Variants in TRPM8 observed in about 807,000 individuals in gnomAD.
TRPM8 encodes the protein TRPM8 cationic channel.
Under a neutral mutation model 133.7 loss-of-function variants are expected in TRPM8, and 110 were observed. That is an observed-to-expected ratio of 0.82 (90% CI 0.70 to 0.96). TRPM8 has a LOEUF of 0.96. Among genes scored for constraint, TRPM8 ranks in the 40% least tolerant of loss-of-function variants. The pLI is 0.00. For synonymous variants in TRPM8, 535 were observed against 532.3 expected, an observed-to-expected ratio of 1.01 and a Z score of -0.07; for missense variants, 1,291 against 1,379.5, an observed-to-expected ratio of 0.94 and a Z score of 1.02.
intron 3 of TRPM8, among the ~76,000 whole-genome samples, chr2:233,931,568 G>A (rs1258193404): frequency 6.6e-6 from 1 of 152,170 alleles, no homozygotes; most frequent in African/African-American, 2.4e-5. Context: ...TCACTGTGTG[G>A]CCTTGAGCCA....
At chr2:233,931,834 A>G (rs1351738760) in intron 3 of TRPM8, among the ~76,000 whole-genome samples, 1 of 152,192 alleles carries the variant, frequency 6.6e-6, no homozygotes, top group Non-Finnish European at 1.5e-5. Flanking sequence ...TATCCCCTGT[A>G]TGTTTCATGA....
At chr2:233,930,765 T>G in intron 3 of TRPM8, 24 bp downstream of exon 3, 1 of 1,566,282 alleles carries the variant, frequency 6.4e-7, no homozygotes, top group Non-Finnish European at 8.7e-7. Context: ...TTCCCTCCAG[T>G]TTTGCTTTCC....
chr2:233,946,898 G>A (rs1691057295), intron 7 of TRPM8, among the ~76,000 whole-genome samples, 190 bp from the exon 8 acceptor site: 1 of 152,194 alleles, frequency 6.6e-6, no homozygotes, highest in South Asian at 2.1e-4. Flanking sequence ...CCCATGTCAT[G>A]CTATTACTAG....
Position 234,008,117 on chromosome 2 carries a change from A to G in TRPM8, c.3264+14A>G, listed in dbSNP as rs1692737898. On this transcript the variant is annotated intron_variant, in intron 24 of 25. Transcript: ENST00000324695. ...CTGGATACAAAGGTATGGTTCTGTT[A>G]ATAGTTTGGATTTTTTTTTTTTTTT... 3.8e-6 allele frequency: 6 copies of G among 1,590,942 alleles called. No individual in the cohort carries two copies. Among genetic ancestry groups the G allele is most frequent in the Admixed American group, 1.8e-5 (1 of 54,540 alleles).
rs1314405166 is a variant in TRPM8, at chr2:233,960,835, C to A, written c.1422C>A (p.Val474=). The A allele has an allele frequency of 6.2e-7, 1 of 1,614,148 alleles. No homozygotes were observed. The highest frequency in any genetic ancestry group is 1.3e-5 in the African/African-American group (1 of 75,030). The change falls in exon 12 of 26, where the codon GTC becomes GTA. Residue 474 remains valine (V), a synonymous_variant. Coordinates refer to ENST00000324695, the MANE Select transcript of TRPM8 (RefSeq NM_024080.5). ...TALIKDRPKF[V]RLFLENGLNL... ...TCATAAAGGACAGACCCAAGTTTGT[C>A]CGCCTCTTTCTGGAGAATGGCTTGA...
intron 22 of TRPM8, among the ~76,000 whole-genome samples, chr2:234,005,677 G>A (rs559806903): frequency 2.0e-5 from 3 of 152,234 alleles, no homozygotes; most frequent in Admixed American, 1.3e-4. Flanking sequence ...TTGGGAGGCC[G>A]AGGCAGGTAA....
rs1221603212 is a variant in TRPM8, at chr2:234,008,771, C to T, written c.3264+668C>T. On this transcript the variant is annotated intron_variant, in intron 24 of 25. Coordinates refer to ENST00000324695, the MANE Select transcript of TRPM8 (RefSeq NM_024080.5). ...GACCCCATCTGGTTTGGCAAAATCT[C>T]CACCACCCAGTACCTTGACCATAGT... is the stretch of plus-strand genomic sequence containing the variant. Among the ~76,000 whole-genome samples, 3 of 152,122 alleles carry T rather than the reference C, an allele frequency of 2.0e-5. No individual in the cohort carries two copies. In the East Asian group the frequency reaches 5.8e-4, roughly 29 times the overall value.
intron 11 of TRPM8, among the ~76,000 whole-genome samples, chr2:233,956,584 T>C (rs775670639): frequency 3.2e-4 from 48 of 152,360 alleles, no homozygotes; most frequent in Middle Eastern, 3.4e-3. Context: ...TGTATAGATT[T>C]GAAGGTGCAT....
chr2:233,999,560 A>C (rs1350982616), intron 22 of TRPM8, among the ~76,000 whole-genome samples: 1 of 151,368 alleles, frequency 6.6e-6, no homozygotes, highest in Non-Finnish European at 1.5e-5. Context: ...CACTCTAGGC[A>C]TCACTGAGCT....
chr2:233,971,358 G>A (rs578141419), intron 17 of TRPM8, among the ~76,000 whole-genome samples: 148 of 152,244 alleles, frequency 9.7e-4, no homozygotes, highest in African/African-American at 3.1e-3. Context: ...ACTTCTAGCC[G>A]TCCTGGGTTG....
intron 11 of TRPM8, among the ~76,000 whole-genome samples, chr2:233,955,635 C>T (rs1295167612): frequency 6.6e-6 from 1 of 152,092 alleles, no homozygotes; most frequent in Non-Finnish European, 1.5e-5. Context: ...CAGACGGCAG[C>T]ACTCTTTTTG....
intron 3 of TRPM8, 46 bp downstream of exon 3, chr2:233,930,787 A>T: frequency 7.5e-7 from 1 of 1,338,302 alleles, no homozygotes; most frequent in South Asian, 1.2e-5. Flanking sequence ...AGTTCAAAAA[A>T]ATTATCAGCC....
intron 18 of TRPM8, among the ~76,000 whole-genome samples, chr2:233,980,934 G>A (rs532423610): frequency 6.6e-6 from 1 of 150,794 alleles, no homozygotes; most frequent in East Asian, 1.9e-4. Flanking sequence ...TAGCAACTGG[G>A]CATGGTGGCT....
At chr2:233,971,991 A>G (rs1422000557) in intron 17 of TRPM8, among the ~76,000 whole-genome samples, 1 of 152,098 alleles carries the variant, frequency 6.6e-6, no homozygotes, top group African/African-American at 2.4e-5. Flanking sequence ...CTAGACACCA[A>G]GGTTCTCCAG....
chr2:234,014,041 G>T (rs1163619586), intron 24 of TRPM8, among the ~76,000 whole-genome samples: 1 of 152,058 alleles, frequency 6.6e-6, no homozygotes, highest in Non-Finnish European at 1.5e-5. Context: ...TAATAAATTT[G>T]TGAAACATGC....
Position 233,989,135 on chromosome 2 carries a change from C to T in TRPM8, c.2939+3270C>T, listed in dbSNP as rs1170851480. The stretch of plus-strand genomic sequence containing the variant: ...TATTTAGAGCTTTTTTGAATCTATG[C>T]ACATGAGCTGTCTGAAGGAGCCATT... On this transcript the variant is annotated intron_variant, in intron 21 of 25. Transcript: ENST00000324695. The surrounding 1 kb of genome is among the most constrained non-coding windows in gnomAD (Gnocchi z 4.2). 2.0e-5 allele frequency among the ~76,000 whole-genome samples: 3 copies of T among 152,186 alleles called. No homozygotes were observed. The highest frequency in any genetic ancestry group is 7.2e-5 in the African/African-American group (3 of 41,452).
Position 233,954,058 on chromosome 2 carries a change from G to A in TRPM8, c.1243+39G>A, listed in dbSNP as rs373943441. Reference sequence around the variant, plus strand: ...GCTCCTTTTGAAGTGTCAGCTTTGTGTTGCCTTCTGTGGCTTTTCATGACT... The same window carrying A: ...GCTCCTTTTGAAGTGTCAGCTTTGTATTGCCTTCTGTGGCTTTTCATGACT... On this transcript the variant is annotated intron_variant, in intron 10 of 25. Coordinates refer to ENST00000324695, the MANE Select transcript of TRPM8 (RefSeq NM_024080.5). The A allele has an allele frequency of 1.1e-5, 15 of 1,424,524 alleles. No homozygotes were observed. In the East Asian group the frequency reaches 2.1e-4, roughly 20 times the overall value. 88.2% of individuals were successfully genotyped at this position (1,424,524 alleles called of 1,614,324 possible). A position where few individuals can be genotyped will look rare whatever the true frequency, so the allele number is the denominator to read the frequency against.
In TRPM8 at chr2:233,940,883, G is replaced by T. The variant is rs549695425; in HGVS notation, c.527-1693G>T. Among the ~76,000 whole-genome samples the T allele has an allele frequency of 2.6e-5, 4 of 152,220 alleles. No homozygotes were observed. The East Asian group carries it at 5.8e-4, about 22-fold the overall frequency. On this transcript the variant is annotated intron_variant, in intron 5 of 25. Transcript: ENST00000324695. The stretch of plus-strand genomic sequence containing the variant: ...AGAGGCAGGTGTTCTATGGCGTGGG[G>T]AAAGGTGATAGGAAGTGGAGAAGGA...
At chr2:233,923,896 G>A (rs1390235978) in intron 1 of TRPM8, among the ~76,000 whole-genome samples, 1 of 152,142 alleles carries the variant, frequency 6.6e-6, no homozygotes, top group Non-Finnish European at 1.5e-5. Flanking sequence ...TGAAAATTTC[G>A]GACCAATATC....
Sources: gnomAD v4.1 joint callset for allele counts (sites outside exome capture counted in the v4.1 genomes callset) on GRCh38, gnomAD v4.1.1 for gene constraint, Gnocchi (gnomAD v3.1) non-coding constraint, MANE v1.5 for transcripts, NCBI Gene and HGNC (gene_info 2026-07-23, HGNC 2026-07-21) for gene names.